Variants in INPP4B observed in about 807,000 individuals in gnomAD.
INPP4B encodes the protein inositol polyphosphate-4-phosphatase type II B, also known as inositol polyphosphate 4-phosphatase type II.
A neutral mutation model predicts 122.5 loss-of-function variants in INPP4B; 55 were observed. The observed-to-expected ratio is 0.45, with a 90% CI of 0.36 to 0.56. The LOEUF is 0.56. INPP4B is among the 20% of genes least tolerant of loss of function. The pLI is 0.00. For synonymous variants in INPP4B, 403 were observed against 388.7 expected, an observed-to-expected ratio of 1.04 and a Z score of -0.43; for missense variants, 1,000 against 1,097.7, an observed-to-expected ratio of 0.91 and a Z score of 1.26.
intron 8 of INPP4B, among the ~76,000 whole-genome samples, chr4:142,311,466 A>T (rs1027833055): frequency 9.9e-5 from 15 of 152,200 alleles, no homozygotes; most frequent in African/African-American, 3.4e-4. Flanking sequence ...CTAATAATAC[A>T]TAAAATGGTT....
chr4:142,524,928 G>A (rs1448710508), intron 2 of INPP4B, among the ~76,000 whole-genome samples: 2 of 152,026 alleles, frequency 1.3e-5, no homozygotes, highest in Non-Finnish European at 2.9e-5. Flanking sequence ...CATTCAATTT[G>A]GAAAAGAGGA....
chr4:142,705,161 A>G (rs993480829), intron 2 of INPP4B, among the ~76,000 whole-genome samples: 1 of 151,964 alleles, frequency 6.6e-6, no homozygotes, highest in African/African-American at 2.4e-5. Context: ...TTTCCAATCT[A>G]CACATATTTC....
chr4:142,803,662 C>A (rs75832326), intron 1 of INPP4B, among the ~76,000 whole-genome samples: 33,056 of 131,808 alleles, frequency 0.25, 4,046 homozygotes, highest in South Asian at 0.38. Flanking sequence ...AAAAAAAAAA[C>A]AAAAACAAAG....
chr4:142,477,517 T>C (rs1022400274), intron 2 of INPP4B, among the ~76,000 whole-genome samples: 2 of 149,794 alleles, frequency 1.3e-5, no homozygotes, highest in Admixed American at 6.7e-5. Flanking sequence ...TAAATAAGAA[T>C]AAAGGACCAC....
intron 15 of INPP4B, among the ~76,000 whole-genome samples, chr4:142,175,296 T>C (rs1470668131): frequency 6.6e-6 from 1 of 152,186 alleles, no homozygotes; most frequent in Non-Finnish European, 1.5e-5. Context: ...GGAAGCATGA[T>C]CTGTTCTATT....
At chr4:142,217,174 A>G (rs1847640442) in intron 12 of INPP4B, among the ~76,000 whole-genome samples, 1 of 152,212 alleles carries the variant, frequency 6.6e-6, no homozygotes, top group African/African-American at 2.4e-5. Context: ...AAGAAGAAAC[A>G]GAAGGCTTAA....
intron 1 of INPP4B, among the ~76,000 whole-genome samples, chr4:142,838,035 T>TTTTG (rs1422773278): frequency 6.7e-6 from 1 of 148,770 alleles, no homozygotes; most frequent in African/African-American, 2.4e-5. Flanking sequence ...AAAGTGGTGT[T>TTTTG]TTTTTTTTTT....
At chr4:142,832,684 G>T (rs953493850) in intron 1 of INPP4B, among the ~76,000 whole-genome samples, 7 of 152,056 alleles carry the variant, frequency 4.6e-5, no homozygotes, top group African/African-American at 1.7e-4. Flanking sequence ...GCAGATCAGG[G>T]TAACAATATT....
At chr4:142,839,710 G>T (rs1244544696) in intron 1 of INPP4B, among the ~76,000 whole-genome samples, 3 of 152,190 alleles carry the variant, frequency 2.0e-5, no homozygotes, top group Admixed American at 2.0e-4. Context: ...GACTGTAAAT[G>T]AAATGAGAAT....
At chr4:142,427,579 A>C in intron 5 of INPP4B, 1 of 462,190 alleles carries the variant, frequency 2.2e-6, no homozygotes, top group Non-Finnish European at 3.9e-6. Context: ...TCTTAATTGC[A>C]CTAGAAGACA....
At chr4:142,207,290 T>C (rs1842953893) in intron 14 of INPP4B, among the ~76,000 whole-genome samples, 1 of 152,178 alleles carries the variant, frequency 6.6e-6, no homozygotes, top group Non-Finnish European at 1.5e-5. Context: ...TTCAATTATT[T>C]TGGATAAACA....
intron 7 of INPP4B, among the ~76,000 whole-genome samples, chr4:142,326,174 G>A (rs547719052): frequency 2.7e-4 from 41 of 152,172 alleles, no homozygotes; most frequent in Non-Finnish European, 4.3e-4. Context: ...TACAGACCCC[G>A]TCGGTTTTCT....
At chr4:142,398,445 T>TATAA (rs749321202) in intron 7 of INPP4B, among the ~76,000 whole-genome samples, 17 of 74,536 alleles carry the variant, frequency 2.3e-4, no homozygotes, top group African/African-American at 1.1e-3. Context: ...TATATATATA[T>TATAA]AAAACATATT....
At chr4:142,776,521 A>G (rs76895414) in intron 1 of INPP4B, among the ~76,000 whole-genome samples, 12,345 of 152,156 alleles carry the variant, frequency 0.081, 589 homozygotes, top group Middle Eastern at 0.13. Context: ...TGGCTTTCTT[A>G]GGTATTGGAA....
Position 142,124,686 on chromosome 4 carries a change from T to C in INPP4B, c.1795A>G (p.Lys599Glu). 1 of 1,612,916 alleles carries C rather than the reference T, an allele frequency of 6.2e-7. No homozygotes were observed. The highest frequency in any genetic ancestry group is 8.5e-7 in the Non-Finnish European group (1 of 1,179,248). The change falls in exon 19 of 26, where the codon AAG (lysine) becomes GAG (glutamate). Residue 599 changes from lysine to glutamate, a missense_variant. By Grantham distance (56) the Lys-to-Glu change is moderately conservative. Coordinates refer to ENST00000262992, the MANE Select transcript of INPP4B (RefSeq NM_001101669.3). ...AGGAGCACAAATGTCAGGGACTGCT[T>C]GGCTCGGTTCACCACTTCTCCCATG... ...DCMGEVVNRA[K>E]QSLTFVLLQE...
At chr4:142,803,561 A>G (rs1561086791) in intron 1 of INPP4B, among the ~76,000 whole-genome samples, 1 of 152,026 alleles carries the variant, frequency 6.6e-6, no homozygotes, top group South Asian at 2.1e-4. Context: ...ATAGAACCCT[A>G]CAAAGGGACT....
intron 1 of INPP4B, among the ~76,000 whole-genome samples, chr4:142,805,244 AC>A (rs1778538243): frequency 1.3e-5 from 2 of 152,350 alleles, no homozygotes; most frequent in Admixed American, 1.3e-4. Context: ...GTACGTAAAC[AC>A]TGGGGACATT....
chr4:142,055,815 G>A (rs1757360252), intron 25 of INPP4B, among the ~76,000 whole-genome samples: 1 of 151,830 alleles, frequency 6.6e-6, no homozygotes, highest in Admixed American at 6.6e-5. Flanking sequence ...CCACTGACCT[G>A]GGGGTGGGGG....
intron 25 of INPP4B, among the ~76,000 whole-genome samples, chr4:142,068,844 G>C (rs1392335221): frequency 6.6e-6 from 1 of 152,164 alleles, no homozygotes; most frequent in Non-Finnish European, 1.5e-5. Context: ...AGTCCTTTGA[G>C]AAATACAAAG....
Sources: allele counts gnomAD v4.1 joint callset (sites outside exome capture counted in the v4.1 genomes callset), GRCh38; gene constraint gnomAD v4.1.1; transcripts MANE v1.5; gene names NCBI Gene and HGNC (gene_info 2026-07-23, HGNC 2026-07-21).